Variants in PSMB3 observed in about 807,000 individuals in gnomAD.
The protein encoded by PSMB3 is proteasome 20S subunit beta 3.
Under a neutral mutation model 23.3 loss-of-function variants are expected in PSMB3, and 5 were observed. The ratio of observed to expected loss-of-function variants is 0.21; its 90% CI spans 0.11 to 0.45. The LOEUF is 0.45. Ranked by LOEUF, PSMB3 falls within the 20% of genes least tolerant of loss-of-function variation. PSMB3 has a pLI of 0.99. For missense variants in PSMB3, 192 were observed against 277.9 expected (o/e 0.69, Z 2.20); for synonymous variants, 85 against 99.8 (o/e 0.85, Z 0.88).
chr17:38,758,371 A>G (rs1384680163), intron 3 of PSMB3, among the ~76,000 whole-genome samples: 1 of 150,804 alleles, frequency 6.6e-6, no homozygotes, highest in Non-Finnish European at 1.5e-5. Flanking sequence ...TGAGAGTTTC[A>G]CTCTTTCGCC....
intron 3 of PSMB3, among the ~76,000 whole-genome samples, chr17:38,757,361 A>C (rs1181663653): frequency 6.6e-6 from 1 of 151,482 alleles, no homozygotes; most frequent in East Asian, 2.0e-4. Context: ...TCTACTAAAA[A>C]TACAAAAATT....
At chr17:38,755,660 AT>A (rs67468253) in intron 2 of PSMB3, among the ~76,000 whole-genome samples, 8,471 of 101,046 alleles carry the variant, frequency 0.084, 422 homozygotes, top group East Asian at 0.16. Context: ...AAAAAAAAAA[AT>A]ATATATATAT....
intron 3 of PSMB3, among the ~76,000 whole-genome samples, chr17:38,757,667 T>C (rs1908263893): frequency 6.6e-6 from 1 of 151,830 alleles, no homozygotes; most frequent in Non-Finnish European, 1.5e-5. Flanking sequence ...ATGCAAAAAT[T>C]AGCTGGGCGT....
At chr17:38,759,070 C>A (rs930854795) in intron 3 of PSMB3, among the ~76,000 whole-genome samples, 2 of 152,158 alleles carry the variant, frequency 1.3e-5, no homozygotes, top group African/African-American at 4.8e-5. Flanking sequence ...AAAGAAATGA[C>A]TGTGATCCAA....
chr17:38,757,061 T>TA (rs1555542718), intron 3 of PSMB3, among the ~76,000 whole-genome samples: 2 of 129,776 alleles, frequency 1.5e-5, no homozygotes, highest in Non-Finnish European at 1.6e-5. Context: ...TTTTTTTTTT[T>TA]AGTAGAGACA....
At position 38,752,967 on chromosome 17, in the gene PSMB3, G is replaced by C. The variant is rs1369724633; in HGVS notation, c.3+138G>C. On this transcript the variant is annotated intron_variant, in intron 1 of 5. Coordinates refer to ENST00000619426, the MANE Select transcript of PSMB3 (RefSeq NM_002795.4). This position sits in a 1 kb window ranked among gnomAD's most constrained non-coding sequence, Gnocchi z 5.5. Reference sequence around the variant, plus strand: ...GTTCGAGGGGAGCGGGCCCCGGTGAGGACCAAGAGGGTGAGTGCGGCTCAT... The same window carrying C: ...GTTCGAGGGGAGCGGGCCCCGGTGACGACCAAGAGGGTGAGTGCGGCTCAT... 1.4e-5 allele frequency: 19 copies of C among 1,366,744 alleles called. No homozygotes were observed. Among genetic ancestry groups the C allele is most frequent in the Non-Finnish European group, 1.8e-5 (18 of 990,930 alleles). The allele number at this position is 1,366,744 out of a possible 1,614,324, so 84.7% of individuals were successfully genotyped here. A position where few individuals can be genotyped will look rare whatever the true frequency, so the allele number is the denominator to read the frequency against.
chr17:38,753,580 G>A (rs765489002), intron 2 of PSMB3, among the ~76,000 whole-genome samples: 6 of 151,964 alleles, frequency 3.9e-5, no homozygotes, highest in Non-Finnish European at 7.4e-5. Flanking sequence ...CCAGGCTCAA[G>A]CGATTCTCGT....
In PSMB3 at chr17:38,753,487, T is replaced by C. The variant is rs541695899; in HGVS notation, c.188+153T>C. ...AAAAAACATGTCCTTCCCTTTCTTT[T>C]TTTTTTTTTTAGACAGGGACTTGCT... On this transcript the variant is annotated intron_variant, in intron 2 of 5. Coordinates refer to ENST00000619426, the MANE Select transcript of PSMB3 (RefSeq NM_002795.4). Among the ~76,000 whole-genome samples the C allele has an allele frequency of 5.9e-5, 9 of 151,900 alleles. No homozygotes were observed. The East Asian group carries it at 9.7e-4, about 16-fold the overall frequency.
chr17:38,758,848 C>A (rs747573934), intron 3 of PSMB3, among the ~76,000 whole-genome samples: 1 of 152,110 alleles, frequency 6.6e-6, no homozygotes, highest in Non-Finnish European at 1.5e-5. Flanking sequence ...AGATTGAGAC[C>A]ATCCTGGCTA....
At chr17:38,753,410 G>T in intron 2 of PSMB3, 76 bp downstream of exon 2, 2 of 1,475,850 alleles carry the variant, frequency 1.4e-6, no homozygotes, top group Admixed American at 4.2e-5. Context: ...ACCGGCCAAG[G>T]TGTCAGTCAT....
At chr17:38,756,184 G>A (rs1175442395) in intron 3 of PSMB3, among the ~76,000 whole-genome samples, 194 bp downstream of exon 3, 1 of 152,190 alleles carries the variant, frequency 6.6e-6, no homozygotes, top group Non-Finnish European at 1.5e-5. Flanking sequence ...TTGGAAGAAG[G>A]CAAGGAATGC....
chr17:38,753,708 A>G (rs927245861), intron 2 of PSMB3, among the ~76,000 whole-genome samples: 22 of 152,134 alleles, frequency 1.4e-4, no homozygotes, highest in South Asian at 8.3e-4. Context: ...CGAACTCCTG[A>G]CCTCAAGTGA....
chr17:38,755,907 G>T lies in PSMB3; in HGVS notation c.213G>T (p.Leu71=). 6.2e-7 allele frequency: 1 copy of T among 1,614,076 alleles called. No homozygotes were observed. Among genetic ancestry groups the T allele is most frequent in the East Asian group, 2.2e-5 (1 of 44,874 alleles). The change falls in exon 3 of 6, where the codon CTG becomes CTT. Residue 71 remains leucine (L), a synonymous_variant. Coordinates refer to ENST00000619426, the MANE Select transcript of PSMB3 (RefSeq NM_002795.4). The part of the protein sequence containing the change: ...QTVAQRLKFR[L]NLYELKEGRQ... Reference sequence around the variant, plus strand: ...GTGCCCAGCGCCTCAAGTTCCGGCTGAACCTGTATGAGTTGAAGGAAGGTC... The same window carrying T: ...GTGCCCAGCGCCTCAAGTTCCGGCTTAACCTGTATGAGTTGAAGGAAGGTC...
intron 3 of PSMB3, among the ~76,000 whole-genome samples, chr17:38,758,345 A>G (rs115814377): frequency 0.046 from 6,989 of 151,134 alleles, 544 homozygotes; most frequent in African/African-American, 0.16. Context: ...TTTTTATTTT[A>G]TTATTATTAT....
At chr17:38,755,658 AAAT>A (rs1179848993) in intron 2 of PSMB3, among the ~76,000 whole-genome samples, 1,401 of 105,896 alleles carry the variant, frequency 0.013, 34 homozygotes, top group African/African-American at 0.044. Flanking sequence ...AAAAAAAAAA[AAAT>A]ATATATATAT....
At chr17:38,755,659 A>AAT (rs1156759896) in intron 2 of PSMB3, among the ~76,000 whole-genome samples, 24 of 96,912 alleles carry the variant, frequency 2.5e-4, no homozygotes, top group Non-Finnish European at 3.7e-4. Flanking sequence ...AAAAAAAAAA[A>AAT]ATATATATAT....
At chr17:38,762,243 C>T in intron 4 of PSMB3, 168 bp from the exon 5 acceptor site, 1 of 606,156 alleles carries the variant, frequency 1.6e-6, no homozygotes, top group South Asian at 2.1e-5. Flanking sequence ...TGCTTCCTTC[C>T]AAGGAAGGAG....
rs1908525029 is a variant in PSMB3, at chr17:38,763,363, A to C, written c.570-756A>C. On this transcript the variant is annotated intron_variant, in intron 5 of 5. Transcript: ENST00000619426. ...AGTGAGACTCTGTCTCAAAAAAAAC[A>C]AAAACAAAAACAAAAAACCCAAAAA... Among the ~76,000 whole-genome samples, 7 of 151,924 alleles carry C rather than the reference A, an allele frequency of 4.6e-5. No homozygotes were observed. The South Asian group carries it at 1.5e-3, about 32-fold the overall frequency.
chr17:38,762,907 C>T (rs1012863701), intron 5 of PSMB3, among the ~76,000 whole-genome samples: 2 of 152,184 alleles, frequency 1.3e-5, no homozygotes, highest in Non-Finnish European at 2.9e-5. Context: ...AAGCCTCAGC[C>T]AACTCCCTAA....
Sources: gnomAD v4.1 joint callset for allele counts (sites outside exome capture counted in the v4.1 genomes callset) on GRCh38, gnomAD v4.1.1 for gene constraint, Gnocchi (gnomAD v3.1) non-coding constraint, MANE v1.5 for transcripts, NCBI Gene and HGNC (gene_info 2026-07-23, HGNC 2026-07-21) for gene names.